PDE3B: variants seen among roughly 807,000 people sequenced by gnomAD.
The protein encoded by PDE3B is cGMP-inhibited 3',5'-cyclic phosphodiesterase 3B.
A neutral mutation model predicts 116.8 loss-of-function variants in PDE3B; 66 were observed. The observed-to-expected ratio is 0.56, with a 90% confidence interval of 0.46 to 0.69. The LOEUF is 0.69. PDE3B is among the 30% of genes least tolerant of loss of function. The pLI, the probability that PDE3B is intolerant of heterozygous loss-of-function variation, is 0.00. For synonymous variants in PDE3B, 595 were observed against 533.6 expected (o/e 1.12, Z -1.59); for missense variants, 1,384 against 1,368.1 (o/e 1.01, Z -0.18).
chr11:14,734,924 A>T (rs1243547216), intron 1 of PDE3B, among the ~76,000 whole-genome samples: 1 of 152,158 alleles, frequency 6.6e-6, no homozygotes, highest in Non-Finnish European at 1.5e-5. Flanking sequence ...GTTTCCCGAA[A>T]TATCCCCAAA....
chr11:14,838,101 C>T (rs1396160632), intron 11 of PDE3B, among the ~76,000 whole-genome samples: 3 of 152,020 alleles, frequency 2.0e-5, no homozygotes, highest in African/African-American at 7.2e-5. Flanking sequence ...GCCTCAGCCT[C>T]CCGAGTAGCT....
At chr11:14,854,525 T>C (rs1847813048) in intron 12 of PDE3B, among the ~76,000 whole-genome samples, 1 of 152,058 alleles carries the variant, frequency 6.6e-6, no homozygotes, top group Admixed American at 6.6e-5. Context: ...AGAATTTTTT[T>C]TTTTTTTTTG....
the PDE3B span, chr11:14,878,291 C>CTG: frequency 6.2e-7 from 1 of 1,612,824 alleles, no homozygotes; most frequent in Admixed American, 1.7e-5. Context: ...AAGACAATGT[C>CTG]TTCTTCCTAA....
At chr11:14,756,514 C>T (rs1857183498) in intron 1 of PDE3B, among the ~76,000 whole-genome samples, 1 of 152,140 alleles carries the variant, frequency 6.6e-6, no homozygotes, top group Non-Finnish European at 1.5e-5. Flanking sequence ...ATACCTTGAC[C>T]TCATTCTCCT....
At chr11:14,733,911 CTATT>C (rs1168410411) in intron 1 of PDE3B, among the ~76,000 whole-genome samples, 1 of 152,084 alleles carries the variant, frequency 6.6e-6, no homozygotes, top group Non-Finnish European at 1.5e-5. Flanking sequence ...GTATTAAAAA[CTATT>C]TGAGAAAGAG....
intron 14 of PDE3B, among the ~76,000 whole-genome samples, chr11:14,866,322 A>T (rs1348829914): frequency 6.6e-6 from 1 of 152,182 alleles, no homozygotes; most frequent in Non-Finnish European, 1.5e-5. Flanking sequence ...ATCATCCCTC[A>T]TCAGAACTAA....
intron 1 of PDE3B, among the ~76,000 whole-genome samples, chr11:14,673,264 A>G (rs1310956775): frequency 6.6e-6 from 1 of 152,116 alleles, no homozygotes; most frequent in Non-Finnish European, 1.5e-5. Context: ...TATAGCATTA[A>G]CATGTATTAT....
At chr11:14,735,417 G>T (rs1203887366) in intron 1 of PDE3B, among the ~76,000 whole-genome samples, 1 of 152,176 alleles carries the variant, frequency 6.6e-6, no homozygotes, top group East Asian at 1.9e-4. Context: ...GAAATTATAG[G>T]AGTTTTAAAA....
intron 1 of PDE3B, among the ~76,000 whole-genome samples, chr11:14,704,674 G>A (rs373287266): frequency 5.3e-5 from 8 of 151,746 alleles, no homozygotes; most frequent in African/African-American, 1.7e-4. Flanking sequence ...TACAACAAAT[G>A]TGCTGGAAAA....
chr11:14,832,990 G>A (rs371135297), intron 10 of PDE3B, among the ~76,000 whole-genome samples, 157 bp downstream of exon 10: 13 of 149,126 alleles, frequency 8.7e-5, no homozygotes, highest in South Asian at 2.1e-4. Flanking sequence ...TGATCTTGTC[G>A]TCCAGGCTGG....
chr11:14,817,102 C>A (rs761202497), intron 5 of PDE3B, among the ~76,000 whole-genome samples: 13 of 152,162 alleles, frequency 8.5e-5, no homozygotes, highest in Admixed American at 3.3e-4. Flanking sequence ...GAATACTGTG[C>A]AGCCATAAAA....
At chr11:14,671,268 G>A (rs1461341157) in intron 1 of PDE3B, among the ~76,000 whole-genome samples, 3 of 152,108 alleles carry the variant, frequency 2.0e-5, no homozygotes, top group African/African-American at 4.8e-5. Flanking sequence ...TGGTGCTTTA[G>A]GTATGGTAGG....
rs1319166225 is a variant in PDE3B, at chr11:14,689,176, T to TA, written c.978+44124dup. Among the ~76,000 whole-genome samples, 8 of 152,344 alleles carry TA rather than the reference T, an allele frequency of 5.3e-5. No individual in the cohort carries two copies. In the South Asian group the frequency reaches 1.7e-3, roughly 32 times the overall value. On this transcript the variant is annotated intron_variant, in intron 1 of 15. Transcript: ENST00000282096. ...ATTGTGCTTTAGTTTTCTGAACAGATACGATGAAAATTATCTACTAAGAGT... is the reference window on the plus strand; with the variant it reads ...ATTGTGCTTTAGTTTTCTGAACAGATAACGATGAAAATTATCTACTAAGAGT...
chr11:14,871,784 T>C lies in PDE3B; in HGVS notation c.*2124T>C, dbSNP rs906794134. ...AAAAGTATCTCTCCCGAGCTGAAAC[T>C]TAAAAATTCGTAAGTGTAAGAAAGA... On this transcript the variant is annotated 3_prime_UTR_variant, in exon 16 of 16. Transcript: ENST00000282096. The C allele has an allele frequency of 6.6e-6, 1 of 152,168 alleles. No individual in the cohort carries two copies. The highest frequency in any genetic ancestry group is 2.1e-4 in the South Asian group (1 of 4,832). The allele number at this position is 152,168 out of a possible 1,614,324, so 9.4% of individuals were successfully genotyped here. A position where few individuals can be genotyped will look rare whatever the true frequency, so the allele number is the denominator to read the frequency against.
In PDE3B at chr11:14,819,101, T is replaced by C. The variant is rs569551476; in HGVS notation, c.1734-35T>C. ...GTTCAGGTAAAAAACTTGTACCTCATTTACCGTATATATTTATCTATTTTA... is the reference window on the plus strand; with the variant it reads ...GTTCAGGTAAAAAACTTGTACCTCACTTACCGTATATATTTATCTATTTTA... On this transcript the variant is annotated intron_variant, in intron 6 of 15. Transcript: ENST00000282096. 4.6e-6 allele frequency: 6 copies of C among 1,304,810 alleles called. No individual in the cohort carries two copies. In the East Asian group the frequency reaches 1.4e-4, roughly 30 times the overall value. The allele number at this position is 1,304,810 out of a possible 1,614,324, so 80.8% of individuals were successfully genotyped here.
chr11:14,790,861 A>C (rs1239564415), intron 4 of PDE3B, among the ~76,000 whole-genome samples: 2 of 152,058 alleles, frequency 1.3e-5, no homozygotes, highest in Non-Finnish European at 2.9e-5. Context: ...TTACGATGGG[A>C]ATATATGAAA....
At chr11:14,655,875 G>T (rs142344983) in intron 1 of PDE3B, among the ~76,000 whole-genome samples, 1 of 152,218 alleles carries the variant, frequency 6.6e-6, no homozygotes, top group African/African-American at 2.4e-5. Flanking sequence ...TACTGGAAAA[G>T]ACTGGAAGAT....
intron 1 of PDE3B, among the ~76,000 whole-genome samples, chr11:14,719,086 G>A (rs1026106794): frequency 1.4e-5 from 1 of 70,376 alleles, no homozygotes. Context: ...ATGATAAAGG[G>A]GATATCACCA....
At chr11:14,832,393 T>C (rs995685436) in intron 9 of PDE3B, among the ~76,000 whole-genome samples, 2 of 152,226 alleles carry the variant, frequency 1.3e-5, no homozygotes, top group African/African-American at 4.8e-5. Flanking sequence ...GTTTTGAATT[T>C]TGTTTTTAAT....
Sources: allele counts gnomAD v4.1 joint callset (sites outside exome capture counted in the v4.1 genomes callset), GRCh38; gene constraint gnomAD v4.1.1; transcripts MANE v1.5; gene names NCBI Gene and HGNC (gene_info 2026-07-23, HGNC 2026-07-21).